ZFP64: variants seen among roughly 807,000 people sequenced by gnomAD.
ZFP64 encodes the protein zinc finger protein 64.
In ZFP64, 14 loss-of-function variants were observed where a neutral mutation model predicts 51.6. That is an observed-to-expected ratio of 0.27 (90% CI 0.18 to 0.42). The LOEUF is 0.42. Ranked by LOEUF, ZFP64 falls within the 10% of genes least tolerant of loss-of-function variation. The pLI is 1.00. For missense variants in ZFP64, 754 were observed against 906.8 expected (o/e 0.83, Z 2.16); for synonymous variants, 375 against 361.4 (o/e 1.04, Z -0.43).
intron 1 of ZFP64, among the ~76,000 whole-genome samples, chr20:52,188,281 T>TGGC (rs1984113308): frequency 6.6e-6 from 1 of 151,278 alleles, no homozygotes; most frequent in Non-Finnish European, 1.5e-5. Context: ...CATTCCTAAC[T>TGGC]GGCAGGGACA....
At chr20:52,098,724 C>A (rs1163935564) in intron 5 of ZFP64, 5 of 1,180,010 alleles carry the variant, frequency 4.2e-6, no homozygotes, top group Non-Finnish European at 5.9e-6. Flanking sequence ...AGCCATGTGA[C>A]CAGGCGGGGT....
intron 5 of ZFP64, among the ~76,000 whole-genome samples, chr20:52,135,376 G>A (rs1979918787): frequency 6.6e-6 from 1 of 152,198 alleles, no homozygotes; most frequent in African/African-American, 2.4e-5. Flanking sequence ...CCACAAAGCT[G>A]AAAACATTTA....
intron 5 of ZFP64, among the ~76,000 whole-genome samples, chr20:52,158,243 T>G (rs551780981): frequency 3.9e-5 from 6 of 152,320 alleles, no homozygotes; most frequent in African/African-American, 1.4e-4. Flanking sequence ...GTCTTTTATT[T>G]CAACCGTCTC....
chr20:52,111,013 G>A, intron 5 of ZFP64: 1 of 1,469,930 alleles, frequency 6.8e-7, no homozygotes. Flanking sequence ...CGTATCCAGG[G>A]GAAGGGCGCG....
chr20:52,174,037 T>C (rs1258875758), intron 2 of ZFP64, among the ~76,000 whole-genome samples: 1 of 152,216 alleles, frequency 6.6e-6, no homozygotes, highest in African/African-American at 2.4e-5. Context: ...TTCTCTCTTC[T>C]ATTTGGTTGG....
intron 6 of ZFP64, chr20:52,097,529 A>C (rs6096753): frequency 7.7e-6 from 9 of 1,168,190 alleles, no homozygotes; most frequent in South Asian, 1.4e-5. Flanking sequence ...ATCTCGGCTC[A>C]CTGCAACCTC....
chr20:52,127,918 G>A (rs6021718), intron 5 of ZFP64, among the ~76,000 whole-genome samples: 62,875 of 152,046 alleles, frequency 0.41, 14,210 homozygotes, highest in Admixed American at 0.5. Context: ...GCTATACAAC[G>A]ACCTCAAAAT....
intron 5 of ZFP64, among the ~76,000 whole-genome samples, chr20:52,129,785 T>C (rs1358957706): frequency 6.6e-6 from 1 of 152,230 alleles, no homozygotes; most frequent in Non-Finnish European, 1.5e-5. Flanking sequence ...ACAACTCGCC[T>C]GTCTGCCTAA....
chr20:52,107,320 T>C (rs774120883), intron 5 of ZFP64, among the ~76,000 whole-genome samples: 4 of 152,132 alleles, frequency 2.6e-5, no homozygotes, highest in Non-Finnish European at 5.9e-5. Flanking sequence ...GAGGCATTAT[T>C]ACTGGCCTAT....
rs149329539 is a variant in ZFP64 at position 52,106,406 on chromosome 20, T to C, written c.764-7819A>G. ...TGAGAATCACGTGGGGGCCCTTGTT[T>C]CAAAAAGACCCAGCCAGGCTCATCT... On this transcript the variant is annotated intron_variant, in intron 5 of 8. Coordinates refer to the ZFP64 transcript ENST00000361387. Among the ~76,000 whole-genome samples, 970 of 152,224 alleles carry C rather than the reference T, an allele frequency of 6.4e-3. 9 individuals are homozygous for C. Among genetic ancestry groups the C allele is most frequent in the African/African-American group, 0.022 (923 of 41,548 alleles).
intron 5 of ZFP64, among the ~76,000 whole-genome samples, chr20:52,130,553 G>A (rs936848399): frequency 6.6e-6 from 1 of 152,108 alleles, no homozygotes; most frequent in African/African-American, 2.4e-5. Flanking sequence ...TTATGAGAAG[G>A]CAGATTCCAT....
At chr20:52,098,307 G>A (rs1051646404) in intron 6 of ZFP64, 9 of 1,291,854 alleles carry the variant, frequency 7.0e-6, no homozygotes, top group Non-Finnish European at 8.5e-6. Context: ...AGGCTGTTGT[G>A]TGCTGATGTA....
intron 5 of ZFP64, among the ~76,000 whole-genome samples, chr20:52,126,937 A>C (rs562476286): frequency 6.0e-5 from 9 of 148,868 alleles, no homozygotes; most frequent in East Asian, 5.9e-4. Flanking sequence ...AAAGGAAGTG[A>C]TATGGTTAGG....
intron 5 of ZFP64, among the ~76,000 whole-genome samples, chr20:52,111,473 C>T (rs1157145555): frequency 6.6e-6 from 1 of 151,900 alleles, no homozygotes; most frequent in Non-Finnish European, 1.5e-5. Context: ...CTTCGGCCTC[C>T]CAAAGTGCTA....
intron 4 of ZFP64, among the ~76,000 whole-genome samples, chr20:52,161,446 C>CTTTTTTTTTTTTTT (rs1236301796): frequency 7.8e-6 from 1 of 127,722 alleles, no homozygotes. Context: ...CTTGTGATTG[C>CTTTTTTTTTTTTTT]TTTCTTTTTT....
At chr20:52,155,928 A>G (rs1225279181) in intron 5 of ZFP64, among the ~76,000 whole-genome samples, 5 of 152,248 alleles carry the variant, frequency 3.3e-5, no homozygotes, top group Non-Finnish European at 7.3e-5. Flanking sequence ...ATTAATTTAC[A>G]GTTTTACCAG....
chr20:52,160,217 C>A lies in ZFP64; in HGVS notation c.669G>T (p.Arg223Ser). 1 of 1,614,128 alleles carries A rather than the reference C, an allele frequency of 6.2e-7. No homozygotes were observed. Among genetic ancestry groups the A allele is most frequent in the Non-Finnish European group, 8.5e-7 (1 of 1,180,032 alleles). ...ADSSSLNKHL[R>S]IHSDERPFKC... is the part of the protein sequence containing the mutation. ...TGAAGGGCCGCTCGTCCGAGTGGAT[C>A]CTCAGGTGCTTGTTGAGGCTGCTGC... Residue 223 changes from arginine (R) to serine (S), a missense_variant, in exon 5 of 6, where the codon AGG becomes AGT. Arg to Ser is a moderately radical substitution (Grantham distance 110). Around this residue, in one of 3 missense-constraint regions of ZFP64, gnomAD observed 231 missense variants for 336.7 expected, o/e 0.69. Transcript: ENST00000216923. This position sits in a 1 kb window ranked among gnomAD's most constrained non-coding sequence, Gnocchi z 4.2.
In ZFP64 at chr20:52,105,051, G is replaced by C. The variant is rs538838635; in HGVS notation, c.764-6464C>G. On this transcript the variant is annotated intron_variant, in intron 5 of 8. Transcript: ENST00000361387. ...CCCGCCCTTTCAGGTCCCCTGCCCG[G>C]TCCTCGTACCCGCGCGGGTCCGGAG... 2.2e-5 allele frequency: 31 copies of C among 1,383,438 alleles called. 1 individual carries two copies. In the South Asian group the frequency reaches 4.3e-4, roughly 19 times the overall value. 85.7% of individuals were successfully genotyped at this position (1,383,438 alleles called of 1,614,324 possible).
At position 52,165,928 on chromosome 20, in the gene ZFP64, G is replaced by C. The variant is rs1469324150; in HGVS notation, c.384C>G (p.Ala128=). The C allele has an allele frequency of 2.5e-6, 4 of 1,613,986 alleles. No homozygotes were observed. Among genetic ancestry groups the C allele is most frequent in the Non-Finnish European group, 3.4e-6 (4 of 1,180,010 alleles). Residue 128 remains alanine, a synonymous_variant, in exon 3 of 6, where the codon GCC becomes GCG. Coordinates refer to ENST00000216923, the MANE Select transcript of ZFP64 (RefSeq NM_018197.3). ...NQTATVISLP[A]KSRTKKPTTP... Reference sequence around the variant, plus strand: ...TTGTGGGCTTTTTGGTGCGTGACTTGGCAGGGAGAGAGATGACAGTGGCTG... The same window carrying C: ...TTGTGGGCTTTTTGGTGCGTGACTTCGCAGGGAGAGAGATGACAGTGGCTG...
Sources: gnomAD v4.1 joint callset for allele counts (sites outside exome capture counted in the v4.1 genomes callset) on GRCh38, gnomAD v4.1.1 for gene constraint, gnomAD v4.1.1 regional missense constraint, Gnocchi (gnomAD v3.1) non-coding constraint, MANE v1.5 for transcripts, NCBI Gene and HGNC (gene_info 2026-07-23, HGNC 2026-07-21) for gene names.